Variants in ATP1B3 observed in about 807,000 individuals in gnomAD.
ATP1B3 encodes the protein ATPase Na+/K+ transporting subunit beta 3, also known as sodium/potassium-transporting ATPase subunit beta-3.
A neutral mutation model predicts 30.2 loss-of-function variants in ATP1B3; 10 were observed. The ratio of observed to expected loss-of-function variants is 0.33; its 90% CI spans 0.20 to 0.56. The LOEUF (loss-of-function observed/expected upper bound fraction) is 0.56. ATP1B3 is among the 20% of genes least tolerant of loss of function. The pLI, the probability that ATP1B3 is intolerant of heterozygous loss-of-function variation, is 0.90. For missense variants in ATP1B3, 238 were observed against 336.7 expected (o/e 0.71, Z 2.29); for synonymous variants, 113 against 117.0 (o/e 0.97, Z 0.22).
chr3:141,901,995 C>A, intron 1 of ATP1B3: 1 of 502,564 alleles, frequency 2.0e-6, no homozygotes, highest in Non-Finnish European at 3.4e-6. Flanking sequence ...TTTATCCCTT[C>A]GTTCCTGCAG....
intron 3 of ATP1B3, among the ~76,000 whole-genome samples, chr3:141,907,708 C>A (rs975874681): frequency 7.3e-5 from 11 of 151,664 alleles, no homozygotes; most frequent in Non-Finnish European, 1.6e-4. Context: ...TGTGTATTAC[C>A]TTCTATTTCC....
At chr3:141,922,793 G>A (rs1459951999) in intron 6 of ATP1B3, among the ~76,000 whole-genome samples, 3 of 149,274 alleles carry the variant, frequency 2.0e-5, no homozygotes, top group African/African-American at 7.4e-5. Flanking sequence ...GTGAAACCCC[G>A]TCTCTACTAA....
At chr3:141,894,152 AATGGAGCTTGC>A (rs990027067) in intron 1 of ATP1B3, among the ~76,000 whole-genome samples, 8 of 152,190 alleles carry the variant, frequency 5.3e-5, no homozygotes, top group African/African-American at 1.9e-4. Context: ...ACTGACCTTG[AATGGAGCTTGC>A]AGGACTACAG....
chr3:141,909,215 C>T (rs952412724), intron 3 of ATP1B3, among the ~76,000 whole-genome samples: 1 of 152,132 alleles, frequency 6.6e-6, no homozygotes, highest in Non-Finnish European at 1.5e-5. Context: ...AAGTATTATC[C>T]GTGGTTTAAT....
chr3:141,918,283 G>A lies in ATP1B3; in HGVS notation c.582+2263G>A, dbSNP rs987890613. The A allele has an allele frequency of 5.9e-5, 9 of 152,254 alleles. No homozygotes were observed. The East Asian group carries it at 9.6e-4, about 16-fold the overall frequency. 9.4% of individuals were successfully genotyped at this position (152,254 alleles called of 1,614,324 possible). On this transcript the variant is annotated intron_variant, in intron 5 of 6. Transcript: ENST00000286371. ...AGAAGTGCTAATTTCATGACAGTGCGCCTGTATACAGGAGCCTGTGAGCAG... is the reference window on the plus strand; with the variant it reads ...AGAAGTGCTAATTTCATGACAGTGCACCTGTATACAGGAGCCTGTGAGCAG...
chr3:141,889,749 AAAT>A (rs1237561457), intron 1 of ATP1B3, among the ~76,000 whole-genome samples: 888 of 79,272 alleles, frequency 0.011, 38 homozygotes, highest in Middle Eastern at 0.026. Flanking sequence ...AAAAAAAAAA[AAAT>A]ATATACACAC....
chr3:141,911,644 G>A (rs1300119925), intron 3 of ATP1B3, among the ~76,000 whole-genome samples: 3 of 151,956 alleles, frequency 2.0e-5, no homozygotes, highest in Non-Finnish European at 2.9e-5. Context: ...ACAGGCTTGC[G>A]CCACCACACC....
intron 1 of ATP1B3, among the ~76,000 whole-genome samples, chr3:141,896,764 T>C (rs192846667): frequency 1.7e-3 from 265 of 152,312 alleles, no homozygotes; most frequent in African/African-American, 6.0e-3. Context: ...TCCTTCACCT[T>C]CTACTGTTTT....
At chr3:141,921,172 C>T (rs1317341523) in intron 5 of ATP1B3, among the ~76,000 whole-genome samples, 1 of 152,134 alleles carries the variant, frequency 6.6e-6, no homozygotes, top group African/African-American at 2.4e-5. Flanking sequence ...CTGTTTGCTA[C>T]TTCTCAGTCT....
chr3:141,898,794 A>G (rs1934113515), intron 1 of ATP1B3, among the ~76,000 whole-genome samples: 1 of 152,254 alleles, frequency 6.6e-6, no homozygotes, highest in South Asian at 2.1e-4. Flanking sequence ...GAATGTTTAT[A>G]ACATTATTCA....
intron 5 of ATP1B3, chr3:141,918,185 G>C (rs1204207267): frequency 1.3e-5 from 2 of 152,168 alleles, no homozygotes; most frequent in African/African-American, 4.8e-5. Context: ...AACCCTTTGT[G>C]ATCCTCAGGG....
chr3:141,889,748 A>T (rs1435761953), intron 1 of ATP1B3, among the ~76,000 whole-genome samples: 18,167 of 80,872 alleles, frequency 0.22, 2,399 homozygotes, highest in African/African-American at 0.33. Flanking sequence ...AAAAAAAAAA[A>T]AAATATATAC....
At chr3:141,894,903 G>T (rs149333852) in intron 1 of ATP1B3, among the ~76,000 whole-genome samples, 167 of 152,266 alleles carry the variant, frequency 1.1e-3, no homozygotes, top group African/African-American at 3.9e-3. Context: ...ATTGTACACA[G>T]TTGTTGCATA....
At chr3:141,882,774 G>C (rs1158263896) in intron 1 of ATP1B3, among the ~76,000 whole-genome samples, 4 of 152,170 alleles carry the variant, frequency 2.6e-5, no homozygotes, top group African/African-American at 7.2e-5. Context: ...AGCTGAGATA[G>C]GGTTTTTTTC....
At chr3:141,886,878 C>T (rs1231608870) in intron 1 of ATP1B3, among the ~76,000 whole-genome samples, 1 of 152,162 alleles carries the variant, frequency 6.6e-6, no homozygotes, top group Non-Finnish European at 1.5e-5. Flanking sequence ...TAGCACACAT[C>T]TTTGGTTCCA....
chr3:141,877,306 A>G (rs1933623863), intron 1 of ATP1B3, among the ~76,000 whole-genome samples: 1 of 151,910 alleles, frequency 6.6e-6, no homozygotes, highest in Non-Finnish European at 1.5e-5. Flanking sequence ...CCGGCCCGAG[A>G]GGCCCTGGCG....
intron 1 of ATP1B3, among the ~76,000 whole-genome samples, chr3:141,887,956 AAGTG>A (rs1311896197): frequency 6.6e-6 from 1 of 152,202 alleles, no homozygotes; most frequent in Non-Finnish European, 1.5e-5. Flanking sequence ...GGGTGATGAT[AAGTG>A]TTCTGTATCT....
intron 1 of ATP1B3, among the ~76,000 whole-genome samples, chr3:141,900,079 C>T (rs1324030902): frequency 2.0e-5 from 3 of 151,882 alleles, no homozygotes; most frequent in African/African-American, 7.3e-5. Context: ...GTTCCTGGCA[C>T]AGAGCTTCTA....
intron 5 of ATP1B3, among the ~76,000 whole-genome samples, chr3:141,919,555 CAA>C (rs1243532708): frequency 6.6e-6 from 1 of 152,080 alleles, no homozygotes; most frequent in African/African-American, 2.4e-5. Flanking sequence ...TGGGAAGAAA[CAA>C]AATGCATTAA....
Sources: allele counts gnomAD v4.1 joint callset (sites outside exome capture counted in the v4.1 genomes callset), GRCh38; gene constraint gnomAD v4.1.1; transcripts MANE v1.5; gene names NCBI Gene and HGNC (gene_info 2026-07-23, HGNC 2026-07-21).